NPFFR2: variants seen among roughly 807,000 people sequenced by gnomAD.
NPFFR2 encodes neuropeptide FF receptor 2, also known as G-protein coupled receptor 74.
Under a neutral mutation model 13.1 loss-of-function variants are expected in NPFFR2, and 15 were observed. The observed-to-expected ratio is 1.15, with a 90% CI of 0.77 to 1.76. NPFFR2 has a LOEUF of 1.76. Ranked by LOEUF, NPFFR2 falls within the 40% of genes most tolerant of loss-of-function variation. NPFFR2 has a pLI of 0.00. For synonymous variants in NPFFR2, 190 were observed against 175.7 expected (o/e 1.08, Z -0.65); for missense variants, 572 against 503.5 (o/e 1.14, Z -1.30).
At position 72,111,421 on chromosome 4, in the gene NPFFR2, T is replaced by A. The variant is rs544376695; in HGVS notation, c.-7-17164T>A. On this transcript the variant is annotated intron_variant, in intron 1 of 3. Coordinates refer to ENST00000308744, the MANE Select transcript of NPFFR2 (RefSeq NM_004885.3). ...GCCATCCTCCTTGGCTTGTTGTGCA[T>A]CCTATACAGTGTTTACCACATCAGG... Among the ~76,000 whole-genome samples the A allele has an allele frequency of 2.0e-5, 3 of 152,118 alleles. No homozygotes were observed. In the East Asian group the frequency reaches 5.8e-4, roughly 29 times the overall value.
chr4:72,130,748 G>A (rs1280979711), intron 2 of NPFFR2, among the ~76,000 whole-genome samples: 1 of 152,154 alleles, frequency 6.6e-6, no homozygotes, highest in Non-Finnish European at 1.5e-5. Context: ...CCAGGGCTGT[G>A]TCTAGAGGTT....
chr4:72,074,353 CAAG>C (rs1044160294), intron 1 of NPFFR2, among the ~76,000 whole-genome samples: 3 of 151,950 alleles, frequency 2.0e-5, no homozygotes, highest in Admixed American at 1.3e-4. Context: ...CACTTCATCA[CAAG>C]AAGAAGAAGG....
At chr4:72,093,428 C>G (rs920306816) in intron 1 of NPFFR2, among the ~76,000 whole-genome samples, 12 of 152,116 alleles carry the variant, frequency 7.9e-5, no homozygotes. Context: ...ATATGTTTTC[C>G]AAATGTTTAG....
At chr4:72,108,517 A>T (rs1417417052) in intron 1 of NPFFR2, among the ~76,000 whole-genome samples, 2 of 151,928 alleles carry the variant, frequency 1.3e-5, no homozygotes, top group African/African-American at 4.8e-5. Flanking sequence ...AGTTATTATT[A>T]TTTGTTTTAC....
intron 1 of NPFFR2, among the ~76,000 whole-genome samples, chr4:72,037,249 C>A (rs1719062735): frequency 1.3e-5 from 2 of 149,442 alleles, no homozygotes; most frequent in East Asian, 2.1e-4. Context: ...AAACAAAAAA[C>A]TAGCTGGTCA....
chr4:72,143,115 A>G (rs1171183444), intron 3 of NPFFR2, among the ~76,000 whole-genome samples: 2 of 152,230 alleles, frequency 1.3e-5, no homozygotes, highest in Admixed American at 6.5e-5. Context: ...AGACAAGTAT[A>G]TACTTATGGC....
intron 3 of NPFFR2, among the ~76,000 whole-genome samples, chr4:72,145,977 G>A (rs183970684): frequency 6.6e-6 from 1 of 152,190 alleles, no homozygotes; most frequent in Admixed American, 6.5e-5. Context: ...AAATGAATCA[G>A]GCTTACTCTA....
intron 1 of NPFFR2, among the ~76,000 whole-genome samples, chr4:72,119,116 C>A (rs1162672274): frequency 2.6e-5 from 4 of 152,048 alleles, no homozygotes; most frequent in Admixed American, 2.6e-4. Context: ...ATTAAAAAAT[C>A]TCTTCTATAC....
chr4:72,077,892 G>A (rs1284084375), intron 1 of NPFFR2, among the ~76,000 whole-genome samples: 5 of 152,044 alleles, frequency 3.3e-5, no homozygotes, highest in Non-Finnish European at 7.4e-5. Flanking sequence ...CTCAGATAAA[G>A]AAAGTGAAAA....
intron 1 of NPFFR2, among the ~76,000 whole-genome samples, chr4:72,099,948 G>A (rs2109808934): frequency 6.6e-6 from 1 of 152,116 alleles, no homozygotes; most frequent in African/African-American, 2.4e-5. Flanking sequence ...TTGACCCAAT[G>A]TCTGAATTTG....
At chr4:72,084,643 A>G (rs924753149) in intron 1 of NPFFR2, among the ~76,000 whole-genome samples, 2 of 152,104 alleles carry the variant, frequency 1.3e-5, no homozygotes, top group African/African-American at 2.4e-5. Flanking sequence ...GTGGTGAACA[A>G]TTTCTGCAAA....
At chr4:72,095,891 C>A (rs1721057347) in intron 1 of NPFFR2, among the ~76,000 whole-genome samples, 1 of 152,198 alleles carries the variant, frequency 6.6e-6, no homozygotes, top group African/African-American at 2.4e-5. Context: ...GCTAGGCAGG[C>A]AGCCATGGGG....
chr4:72,103,401 T>C (rs542600888), intron 1 of NPFFR2, among the ~76,000 whole-genome samples: 28 of 152,252 alleles, frequency 1.8e-4, no homozygotes, highest in African/African-American at 6.5e-4. Context: ...CCTCCTGCCT[T>C]GTGATGACAC....
chr4:72,090,837 G>A (rs1720897294), intron 1 of NPFFR2, among the ~76,000 whole-genome samples: 1 of 151,892 alleles, frequency 6.6e-6, no homozygotes, highest in South Asian at 2.1e-4. Context: ...GATTGCTCTG[G>A]CTAGGACTTC....
At chr4:72,071,327 A>G (rs930571668) in intron 1 of NPFFR2, among the ~76,000 whole-genome samples, 1 of 152,100 alleles carries the variant, frequency 6.6e-6, no homozygotes, top group East Asian at 1.9e-4. Flanking sequence ...GGTACAGGCA[A>G]GATTTGACAC....
intron 1 of NPFFR2, among the ~76,000 whole-genome samples, chr4:72,099,385 A>G (rs1721164770): frequency 6.6e-6 from 1 of 152,146 alleles, no homozygotes. Flanking sequence ...TCATTCTTGC[A>G]TTGCTATAAA....
At chr4:72,116,689 A>T (rs1244558239) in intron 1 of NPFFR2, among the ~76,000 whole-genome samples, 1 of 152,226 alleles carries the variant, frequency 6.6e-6, no homozygotes, top group African/African-American at 2.4e-5. Context: ...GAGGTGTAAA[A>T]GTATAACAGT....
chr4:72,075,216 A>G (rs542064680), intron 1 of NPFFR2, among the ~76,000 whole-genome samples: 1 of 152,226 alleles, frequency 6.6e-6, no homozygotes, highest in East Asian at 1.9e-4. Context: ...ACATCTTTCT[A>G]CCATGCTGGA....
chr4:72,081,927 C>T (rs931477930), intron 1 of NPFFR2, among the ~76,000 whole-genome samples: 1 of 152,098 alleles, frequency 6.6e-6, no homozygotes, highest in Non-Finnish European at 1.5e-5. Flanking sequence ...TCTCCCTTGC[C>T]CACAGTTTTT....
Sources: allele counts gnomAD v4.1 joint callset (sites outside exome capture counted in the v4.1 genomes callset), GRCh38; gene constraint gnomAD v4.1.1; transcripts MANE v1.5; gene names NCBI Gene and HGNC (gene_info 2026-07-23, HGNC 2026-07-21).